Variants in RAD18 observed in about 807,000 individuals in gnomAD.
RAD18 encodes the protein RAD18 E3 ubiquitin protein ligase.
Under a neutral mutation model 60.4 loss-of-function variants are expected in RAD18, and 47 were observed. That is an observed-to-expected ratio of 0.78 (90% CI 0.62 to 0.99). RAD18 has a LOEUF of 0.99. RAD18 is among the 50% of genes least tolerant of loss of function. RAD18 has a pLI of 0.00. For synonymous variants in RAD18, 225 were observed against 195.5 expected (o/e 1.15, Z -1.26); for missense variants, 640 against 593.3 (o/e 1.08, Z -0.82).
At chr3:8,902,855 C>T (rs1171575119) in intron 9 of RAD18, among the ~76,000 whole-genome samples, 1 of 152,036 alleles carries the variant, frequency 6.6e-6, no homozygotes, top group Non-Finnish European at 1.5e-5. Flanking sequence ...GAAACCCTAT[C>T]TCTACTAAAA....
chr3:8,942,293 C>A (rs1308688619), intron 4 of RAD18, among the ~76,000 whole-genome samples: 1 of 152,076 alleles, frequency 6.6e-6, no homozygotes, highest in Non-Finnish European at 1.5e-5. Context: ...GGGTGTGGCA[C>A]CTCCCACTCT....
chr3:8,911,663 A>C (rs1415014620), intron 9 of RAD18, among the ~76,000 whole-genome samples: 1 of 152,228 alleles, frequency 6.6e-6, no homozygotes, highest in Non-Finnish European at 1.5e-5. Context: ...GAGTTTAAGA[A>C]ATGAAGAGAG....
chr3:8,963,163 AACTGAGACCCAGAGCC>A, intron 1 of RAD18, among the ~76,000 whole-genome samples, 156 bp downstream of exon 1: 1 of 152,202 alleles, frequency 6.6e-6, no homozygotes, highest in East Asian at 1.9e-4. Flanking sequence ...CAGAGGAGTA[AACTGAGACCCAGAGCC>A]ACGCGGTCGG....
rs992883308 is a variant in RAD18 at position 8,926,753 on chromosome 3, C to T, written c.889+9118G>A. 1.9e-4 allele frequency among the ~76,000 whole-genome samples: 29 copies of T among 152,104 alleles called. No homozygotes were observed. The Middle Eastern group carries it at 0.017, about 89-fold the overall frequency. ...AGAACAGAGCCCTCAGAAATAATGC[C>T]GCATATCTACGACTATCTGATCTTT... On this transcript the variant is annotated intron_variant, in intron 7 of 12. Transcript: ENST00000264926.
intron 7 of RAD18, among the ~76,000 whole-genome samples, chr3:8,929,520 G>A (rs1355918898): frequency 6.6e-6 from 1 of 152,144 alleles, no homozygotes; most frequent in African/African-American, 2.4e-5. Flanking sequence ...CACATTCCTT[G>A]CTAAAGATGA....
intron 4 of RAD18, among the ~76,000 whole-genome samples, chr3:8,944,505 C>T (rs1225496240): frequency 6.7e-6 from 1 of 148,950 alleles, no homozygotes; most frequent in East Asian, 2.0e-4. Context: ...CACTGCACTG[C>T]AGTCTGGGCA....
At chr3:8,953,411 T>C (rs867458789) in intron 2 of RAD18, among the ~76,000 whole-genome samples, 49 of 152,276 alleles carry the variant, frequency 3.2e-4, no homozygotes, top group African/African-American at 1.0e-3. Flanking sequence ...GAACCAGATA[T>C]GGAGTCCTAA....
intron 9 of RAD18, among the ~76,000 whole-genome samples, chr3:8,903,240 T>G (rs1939945159): frequency 6.6e-6 from 1 of 152,092 alleles, no homozygotes; most frequent in African/African-American, 2.4e-5. Context: ...CTTCCCAAAC[T>G]CCATTCTCTA....
chr3:8,896,113 G>A (rs1411012150), intron 11 of RAD18, among the ~76,000 whole-genome samples: 1 of 152,116 alleles, frequency 6.6e-6, no homozygotes, highest in African/African-American at 2.4e-5. Context: ...GCTGTCTTCT[G>A]GATCCTAAAA....
Position 8,890,467 on chromosome 3 carries a change from C to G in RAD18, c.1323-16G>C. 6.5e-7 allele frequency: 1 copy of G among 1,539,702 alleles called. No individual in the cohort carries two copies. The highest frequency in any genetic ancestry group is 9.0e-7 in the Non-Finnish European group (1 of 1,113,084). ...TGAACTGGAACTAAAAGGATATGTA[C>G]ATCAGTATTGACAGACAACAAGAAG... is the stretch of plus-strand genomic sequence containing the variant. On this transcript the variant is annotated splice_polypyrimidine_tract_variant and intron_variant, in intron 11 of 12. Coordinates refer to ENST00000264926, the MANE Select transcript of RAD18 (RefSeq NM_020165.4).
chr3:8,891,370 T>C (rs1383758782), intron 11 of RAD18, among the ~76,000 whole-genome samples: 1 of 152,062 alleles, frequency 6.6e-6, no homozygotes, highest in African/African-American at 2.4e-5. Flanking sequence ...TCTACTATTC[T>C]AGCTAAGAAA....
chr3:8,892,171 T>C lies in RAD18; in HGVS notation c.1323-1720A>G, dbSNP rs189340026. ...CTGATATTTCTGGGGTCAGAGCATA[T>C]ACAAGCCTACACAACTGCAGCTTTA... On this transcript the variant is annotated intron_variant, in intron 11 of 12. Transcript: ENST00000264926. 1.8e-4 allele frequency among the ~76,000 whole-genome samples: 28 copies of C among 152,316 alleles called. No individual in the cohort carries two copies. The East Asian group carries it at 5.2e-3, about 28-fold the overall frequency.
intron 7 of RAD18, among the ~76,000 whole-genome samples, chr3:8,928,223 A>C (rs7617077): frequency 0.12 from 18,269 of 151,980 alleles, 3,626 homozygotes; most frequent in African/African-American, 0.41. Flanking sequence ...AGATAACATA[A>C]AAAACTAAAA....
At chr3:8,883,370 CTAT>C (rs1252958658) in intron 12 of RAD18, among the ~76,000 whole-genome samples, 1 of 152,116 alleles carries the variant, frequency 6.6e-6, no homozygotes, top group African/African-American at 2.4e-5. Context: ...TTGCTGTTTG[CTAT>C]TATTGTTTAG....
At position 8,941,681 on chromosome 3, in the gene RAD18, G is replaced by A; in HGVS notation, c.390C>T (p.Ser130=). 6.2e-7 allele frequency: 1 copy of A among 1,614,054 alleles called. No individual in the cohort carries two copies. The highest frequency in any genetic ancestry group is 8.5e-7 in the Non-Finnish European group (1 of 1,179,972). The change falls in exon 5 of 13, where the codon AGC becomes AGT. Residue 130 remains serine (S), a synonymous_variant. Coordinates refer to ENST00000264926, the MANE Select transcript of RAD18 (RefSeq NM_020165.4). ...VASRQSLKQG[S]RLMDNFLIRE... Reference sequence around the variant, plus strand: ...TGATCAAGAAATTATCCATTAACCTGCTCCCCTGCTTTAAAGACTGTCTGG... The same window carrying A: ...TGATCAAGAAATTATCCATTAACCTACTCCCCTGCTTTAAAGACTGTCTGG...
At chr3:8,944,000 A>G (rs1940798871) in intron 4 of RAD18, among the ~76,000 whole-genome samples, 1 of 152,180 alleles carries the variant, frequency 6.6e-6, no homozygotes, top group South Asian at 2.1e-4. Context: ...AGAGAAAACA[A>G]GCAAAGCCAA....
chr3:8,938,726 T>C (rs1043536648), intron 6 of RAD18, among the ~76,000 whole-genome samples: 7 of 152,164 alleles, frequency 4.6e-5, no homozygotes, highest in Non-Finnish European at 7.3e-5. Flanking sequence ...CTTAAACTCC[T>C]ATTTTTAAAA....
chr3:8,927,522 G>A (rs1264007555), intron 7 of RAD18, among the ~76,000 whole-genome samples: 1 of 152,126 alleles, frequency 6.6e-6, no homozygotes, highest in South Asian at 2.1e-4. Flanking sequence ...GGGATCTACA[G>A]CTAGAAATAC....
At chr3:8,952,948 G>A (rs1940950078) in intron 2 of RAD18, among the ~76,000 whole-genome samples, 1 of 152,036 alleles carries the variant, frequency 6.6e-6, no homozygotes, top group Admixed American at 6.6e-5. Context: ...AATATCATAA[G>A]CCAAAATGTA....
Sources: allele counts gnomAD v4.1 joint callset (sites outside exome capture counted in the v4.1 genomes callset), GRCh38; gene constraint gnomAD v4.1.1; transcripts MANE v1.5; gene names NCBI Gene and HGNC (gene_info 2026-07-23, HGNC 2026-07-21).